NKAIN2: variants seen among roughly 807,000 people sequenced by gnomAD.
NKAIN2 encodes sodium/potassium transporting ATPase interacting 2.
NKAIN2 carries 14 observed loss-of-function variants against 32.6 expected under a neutral mutation model. The ratio of observed to expected loss-of-function variants is 0.43; its 90% CI spans 0.28 to 0.67. NKAIN2 has a LOEUF of 0.67. Ranked by LOEUF, NKAIN2 falls within the 30% of genes least tolerant of loss-of-function variation. NKAIN2 has a pLI of 0.17. For missense variants in NKAIN2, 198 were observed against 258.3 expected, an observed-to-expected ratio of 0.77 and a Z score of 1.60; for synonymous variants, 80 against 87.2, an observed-to-expected ratio of 0.92 and a Z score of 0.46.
intron 3 of NKAIN2, among the ~76,000 whole-genome samples, chr6:124,644,886 G>A (rs1230283373): frequency 1.3e-5 from 2 of 152,152 alleles, no homozygotes; most frequent in African/African-American, 2.4e-5. Context: ...AAACCCTTAT[G>A]TTGTCTGTTT....
intron 5 of NKAIN2, among the ~76,000 whole-genome samples, chr6:124,810,773 C>T (rs894112255): frequency 2.0e-5 from 3 of 152,000 alleles, no homozygotes; most frequent in Non-Finnish European, 4.4e-5. Flanking sequence ...GAAGCATCTG[C>T]GGTGATTTAG....
At chr6:124,083,741 C>T (rs1562348295) in intron 1 of NKAIN2, among the ~76,000 whole-genome samples, 2 of 152,098 alleles carry the variant, frequency 1.3e-5, no homozygotes, top group East Asian at 1.9e-4. Flanking sequence ...GCAAAAAAGA[C>T]ACAAATGCTT....
chr6:124,316,279 T>C (rs892755697), intron 2 of NKAIN2, among the ~76,000 whole-genome samples: 2 of 152,050 alleles, frequency 1.3e-5, no homozygotes. Flanking sequence ...TCCATAACAA[T>C]TAAAAATTTA....
At chr6:123,843,380 A>G (rs1040056491) in intron 1 of NKAIN2, among the ~76,000 whole-genome samples, 1 of 152,122 alleles carries the variant, frequency 6.6e-6, no homozygotes, top group South Asian at 2.1e-4. Flanking sequence ...GCTGGGGATG[A>G]ACCATAGTCC....
intron 4 of NKAIN2, among the ~76,000 whole-genome samples, chr6:124,756,820 A>G (rs918771529): frequency 6.6e-6 from 1 of 152,130 alleles, no homozygotes; most frequent in Non-Finnish European, 1.5e-5. Flanking sequence ...CTCTCATGTC[A>G]TTAGTCTTCC....
At chr6:124,417,328 CA>C (rs1393424568) in intron 3 of NKAIN2, among the ~76,000 whole-genome samples, 3 of 152,050 alleles carry the variant, frequency 2.0e-5, no homozygotes, top group Non-Finnish European at 4.4e-5. Context: ...TACATTTAAA[CA>C]CTCAGTGGAT....
chr6:123,969,718 G>A (rs1778253004), intron 1 of NKAIN2, among the ~76,000 whole-genome samples: 1 of 152,110 alleles, frequency 6.6e-6, no homozygotes, highest in Non-Finnish European at 1.5e-5. Flanking sequence ...TGTCTAGATG[G>A]GCAATGCCTT....
chr6:124,095,645 T>G (rs913315381), intron 1 of NKAIN2, among the ~76,000 whole-genome samples: 6 of 152,174 alleles, frequency 3.9e-5, no homozygotes, highest in African/African-American at 1.4e-4. Context: ...AGAATTTTCC[T>G]AATAATGTAT....
intron 1 of NKAIN2, among the ~76,000 whole-genome samples, chr6:123,975,259 A>C (rs1778507314): frequency 6.6e-6 from 1 of 152,192 alleles, no homozygotes; most frequent in Non-Finnish European, 1.5e-5. Flanking sequence ...TTTTAAAGGG[A>C]AGAAAAATGC....
chr6:123,901,390 C>A (rs1240165960), intron 1 of NKAIN2, among the ~76,000 whole-genome samples: 1 of 152,014 alleles, frequency 6.6e-6, no homozygotes, highest in Non-Finnish European at 1.5e-5. Flanking sequence ...TGTCTTAGAG[C>A]CTCAATGGCA....
intron 3 of NKAIN2, among the ~76,000 whole-genome samples, chr6:124,503,556 G>T (rs1402195929): frequency 2.6e-5 from 4 of 152,242 alleles, no homozygotes; most frequent in Non-Finnish European, 2.9e-5. Flanking sequence ...TATTGAATTA[G>T]ATAGGAAGGG....
At chr6:124,735,380 G>T (rs573668992) in intron 4 of NKAIN2, among the ~76,000 whole-genome samples, 1 of 151,930 alleles carries the variant, frequency 6.6e-6, no homozygotes, top group African/African-American at 2.4e-5. Flanking sequence ...AAGAATAAAT[G>T]AAAAAATCTG....
intron 3 of NKAIN2, among the ~76,000 whole-genome samples, chr6:124,435,844 A>G (rs532719823): frequency 1.0e-3 from 159 of 152,310 alleles, no homozygotes; most frequent in Non-Finnish European, 1.8e-3. Context: ...CTAACATTCT[A>G]TAGTCCAAAC....
chr6:123,919,521 C>T (rs1433114150), intron 1 of NKAIN2, among the ~76,000 whole-genome samples: 2 of 152,036 alleles, frequency 1.3e-5, no homozygotes, highest in Admixed American at 1.3e-4. Context: ...ATAATATTTT[C>T]ACAAACAGTG....
At chr6:124,348,209 G>A (rs1180038305) in intron 2 of NKAIN2, among the ~76,000 whole-genome samples, 1 of 152,104 alleles carries the variant, frequency 6.6e-6, no homozygotes, top group Non-Finnish European at 1.5e-5. Context: ...TTGTCTCAGA[G>A]TTGTACCCGG....
At chr6:124,059,731 G>A (rs1782837801) in intron 1 of NKAIN2, among the ~76,000 whole-genome samples, 1 of 152,120 alleles carries the variant, frequency 6.6e-6, no homozygotes, top group Admixed American at 6.6e-5. Context: ...CTCTAGGTTG[G>A]CAGTTCAGCA....
At chr6:124,518,387 C>A (rs1779002741) in intron 3 of NKAIN2, among the ~76,000 whole-genome samples, 1 of 151,630 alleles carries the variant, frequency 6.6e-6, no homozygotes, top group Non-Finnish European at 1.5e-5. Flanking sequence ...TAGAGAAATA[C>A]CTGAGACTGG....
intron 4 of NKAIN2, among the ~76,000 whole-genome samples, chr6:124,688,922 A>G (rs747395078): frequency 6.6e-6 from 1 of 152,138 alleles, no homozygotes; most frequent in Non-Finnish European, 1.5e-5. Flanking sequence ...AATTATGAAT[A>G]AAGCTGCTAT....
chr6:124,668,560 A>G (rs567199431), intron 4 of NKAIN2, among the ~76,000 whole-genome samples: 13 of 152,040 alleles, frequency 8.6e-5, no homozygotes, highest in African/African-American at 3.1e-4. Flanking sequence ...TTTATTTTTT[A>G]ATGTCTTAGT....
Sources: allele counts gnomAD v4.1 joint callset (sites outside exome capture counted in the v4.1 genomes callset), GRCh38; gene constraint gnomAD v4.1.1; transcripts MANE v1.5; gene names NCBI Gene and HGNC (gene_info 2026-07-23, HGNC 2026-07-21).